AOAH: variants seen among roughly 807,000 people sequenced by gnomAD.
AOAH encodes the protein acyloxyacyl hydrolase (neutrophil).
In AOAH, 64 loss-of-function variants were observed where a neutral mutation model predicts 92.2. That is an observed-to-expected ratio of 0.69 (90% CI 0.57 to 0.86). The LOEUF is 0.86. AOAH is among the 40% of genes least tolerant of loss of function. The pLI is 0.00. For synonymous variants in AOAH, 263 were observed against 254.5 expected (o/e 1.03, Z -0.32); for missense variants, 656 against 694.6 (o/e 0.94, Z 0.62).
chr7:36,661,889 C>A (rs1393587444), intron 3 of AOAH, among the ~76,000 whole-genome samples: 1 of 152,098 alleles, frequency 6.6e-6, no homozygotes, highest in Non-Finnish European at 1.5e-5. Flanking sequence ...CCTGGGCATG[C>A]AGAATAACAA....
At chr7:36,619,220 C>T (rs117214915) in intron 9 of AOAH, among the ~76,000 whole-genome samples, 3 of 152,286 alleles carry the variant, frequency 2.0e-5, no homozygotes, top group Non-Finnish European at 4.4e-5. Flanking sequence ...ACAGTATGGG[C>T]AAGATTGGAC....
chr7:36,536,514 C>T (rs1299257879), intron 16 of AOAH, among the ~76,000 whole-genome samples: 1 of 152,092 alleles, frequency 6.6e-6, no homozygotes, highest in Non-Finnish European at 1.5e-5. Flanking sequence ...TGAGGCCGGC[C>T]CAGCATGAAC....
intron 19 of AOAH, among the ~76,000 whole-genome samples, chr7:36,526,704 T>C (rs1346776528): frequency 1.3e-5 from 2 of 152,238 alleles, no homozygotes; most frequent in African/African-American, 2.4e-5. Context: ...TCTTCTTTAA[T>C]GTAGTTTATT....
intron 11 of AOAH, among the ~76,000 whole-genome samples, chr7:36,603,858 T>C (rs893208600): frequency 6.6e-6 from 1 of 152,192 alleles, no homozygotes; most frequent in Non-Finnish European, 1.5e-5. Context: ...AATAGCAGAG[T>C]CATTTCAGTA....
intron 3 of AOAH, among the ~76,000 whole-genome samples, chr7:36,662,539 T>C (rs973692942): frequency 6.6e-6 from 1 of 152,242 alleles, no homozygotes; most frequent in African/African-American, 2.4e-5. Context: ...ACTTAATTGT[T>C]CATTTATTTA....
intron 13 of AOAH, among the ~76,000 whole-genome samples, chr7:36,558,454 G>A (rs1425629593): frequency 2.6e-5 from 4 of 152,222 alleles, no homozygotes; most frequent in East Asian, 1.9e-4. Context: ...CCTACTTGAG[G>A]AGGCAGTCTG....
intron 2 of AOAH, among the ~76,000 whole-genome samples, chr7:36,677,423 A>G (rs1395870231): frequency 6.6e-6 from 1 of 152,206 alleles, no homozygotes; most frequent in East Asian, 1.9e-4. Context: ...GCTATAATAA[A>G]AGAGAGAATA....
At chr7:36,586,599 T>A (rs1789340741) in intron 12 of AOAH, among the ~76,000 whole-genome samples, 1 of 152,216 alleles carries the variant, frequency 6.6e-6, no homozygotes, top group Non-Finnish European at 1.5e-5. Flanking sequence ...GTTTCCTTTT[T>A]ATACTTACTC....
At chr7:36,655,122 T>C (rs1358931494) in intron 4 of AOAH, among the ~76,000 whole-genome samples, 1 of 152,176 alleles carries the variant, frequency 6.6e-6, no homozygotes, top group Non-Finnish European at 1.5e-5. Flanking sequence ...CCCACCCCCA[T>C]GTGCTTGCAT....
At chr7:36,685,443 G>A (rs1213777692) in intron 2 of AOAH, among the ~76,000 whole-genome samples, 2 of 152,176 alleles carry the variant, frequency 1.3e-5, no homozygotes, top group Non-Finnish European at 2.9e-5. Flanking sequence ...TCTTGACCCA[G>A]GCTATGTTTC....
chr7:36,548,657 G>T lies in AOAH; in HGVS notation c.1088C>A (p.Pro363His). Reference protein sequence around the residue: ...SLSRNKVLDYPAIVIYAMIGN... With the variant: ...SLSRNKVLDYHAIVIYAMIGN... ...AATCATGGCATATATAACGATGGCG[G>T]GATAGTCCAACACCTTGTTTCTAGA... is the stretch of plus-strand genomic sequence containing the variant. The change falls in exon 15 of 21, where the codon CCC (proline) becomes CAC (histidine). Residue 363 changes from proline (P) to histidine (H), a missense_variant. Physicochemically the swap from Pro to His is moderately conservative, Grantham distance 77. Coordinates refer to ENST00000617537, the MANE Select transcript of AOAH (RefSeq NM_001637.4). 1.2e-6 allele frequency: 2 copies of T among 1,613,740 alleles called. No individual in the cohort carries two copies. Among genetic ancestry groups the T allele is most frequent in the Non-Finnish European group, 1.7e-6 (2 of 1,179,766 alleles).
chr7:36,524,032 C>A (rs1032962518), intron 19 of AOAH, among the ~76,000 whole-genome samples: 1 of 152,054 alleles, frequency 6.6e-6, no homozygotes, highest in African/African-American at 2.4e-5. Context: ...GAAATGTCAG[C>A]CTCCCCATCC....
intron 1 of AOAH, among the ~76,000 whole-genome samples, chr7:36,714,159 C>T (rs2116990744): frequency 6.6e-6 from 1 of 152,278 alleles, no homozygotes; most frequent in Non-Finnish European, 1.5e-5. Context: ...CCACCGATCC[C>T]ACAGAAATAC....
At chr7:36,560,262 C>A (rs1033720141) in intron 13 of AOAH, among the ~76,000 whole-genome samples, 1 of 151,894 alleles carries the variant, frequency 6.6e-6, no homozygotes, top group Non-Finnish European at 1.5e-5. Flanking sequence ...TTTTATAATT[C>A]TGTGAAAAAT....
rs1161076515 is a variant in AOAH, at chr7:36,620,819, A to C, written c.664T>G (p.Trp222Gly). The change falls in exon 9 of 21, where the codon TGG (tryptophan) becomes GGG (glycine). Residue 222 changes from tryptophan to glycine, a missense_variant. Physicochemically the swap from Trp to Gly is radical, Grantham distance 184 (BLOSUM62 -2). Transcript: ENST00000617537. ...CAGTTTGAATCCTGATGGACATCCC[A>C]GTTGTTCGGCCTAAGAAAAAAACAT... ...SVYPGRRPNN[W>G]DVHQDSNCNG... 6.2e-7 allele frequency: 1 copy of C among 1,613,970 alleles called. No individual in the cohort carries two copies. The highest frequency in any genetic ancestry group is 8.5e-7 in the Non-Finnish European group (1 of 1,179,922).
intron 20 of AOAH, among the ~76,000 whole-genome samples, chr7:36,515,677 C>A (rs1783617509): frequency 7.3e-6 from 1 of 136,492 alleles, no homozygotes; most frequent in Non-Finnish European, 1.6e-5. Context: ...CCCTCACAAC[C>A]CCACACCACA....
intron 1 of AOAH, 78 bp downstream of exon 1, chr7:36,723,944 G>A (rs953340400): frequency 1.8e-5 from 26 of 1,454,900 alleles, no homozygotes; most frequent in Non-Finnish European, 2.4e-5. Context: ...AATAAAATAT[G>A]TGATTTATTA....
intron 4 of AOAH, among the ~76,000 whole-genome samples, chr7:36,644,293 T>C (rs879893202): frequency 2.6e-5 from 4 of 152,008 alleles, no homozygotes; most frequent in Non-Finnish European, 5.9e-5. Flanking sequence ...GTCCATGATT[T>C]TTCACTCTGC....
At position 36,637,914 on chromosome 7, in the gene AOAH, T is replaced by C. The variant is rs369640724; in HGVS notation, c.391-4A>G. On this transcript the variant is annotated splice_polypyrimidine_tract_variant and splice_region_variant and intron_variant, in intron 4 of 20. Transcript: ENST00000617537. The stretch of plus-strand genomic sequence containing the variant: ...GTAGTGTAAATTTCCATGTCTCCTA[T>C]AAAAACAAAGTTAGAGAACATTACA... The C allele has an allele frequency of 1.3e-4, 213 of 1,610,656 alleles. 1 individual carries two copies. In the Middle Eastern group the frequency reaches 3.3e-3, roughly 25 times the overall value.
Sources: allele counts gnomAD v4.1 joint callset (sites outside exome capture counted in the v4.1 genomes callset), GRCh38; gene constraint gnomAD v4.1.1; transcripts MANE v1.5; gene names NCBI Gene and HGNC (gene_info 2026-07-23, HGNC 2026-07-21).